The following CNIH3 variants were observed in gnomAD, a reference collection of about 807,000 sequenced individuals.
CNIH3 encodes the protein protein cornichon homolog 3.
A neutral mutation model predicts 24.1 loss-of-function variants in CNIH3; 14 were observed. That is an observed-to-expected ratio of 0.58 (90% CI 0.38 to 0.91). The LOEUF (loss-of-function observed/expected upper bound fraction) is 0.91. CNIH3 is among the 40% of genes least tolerant of loss of function. The pLI is 0.00. For synonymous variants in CNIH3, 68 were observed against 73.8 expected (o/e 0.92, Z 0.40); for missense variants, 178 against 196.8 (o/e 0.90, Z 0.57).
In CNIH3 at chr1:224,739,561, A is replaced by G. The variant is rs1218510123; in HGVS notation, c.*205A>G. The G allele has an allele frequency of 1.1e-5, 10 of 931,142 alleles. No homozygotes were observed. In the East Asian group the frequency reaches 2.4e-4, roughly 22 times the overall value. 57.7% of individuals were successfully genotyped at this position (931,142 alleles called of 1,614,324 possible). ...CGTGTCTGTGTCACCCTGTTTGTCA[A>G]TCTTTGGCATTCGAATTCCACACAC... is the stretch of plus-strand genomic sequence containing the variant. On this transcript the variant is annotated 3_prime_UTR_variant, in exon 6 of 6. Coordinates refer to ENST00000272133, the MANE Select transcript of CNIH3 (RefSeq NM_152495.2).
At chr1:224,674,756 C>T (rs1253495031) in intron 1 of CNIH3, among the ~76,000 whole-genome samples, 1 of 151,860 alleles carries the variant, frequency 6.6e-6, no homozygotes, top group African/African-American at 2.4e-5. Flanking sequence ...TTGTAGCTGC[C>T]CTCCTTTCTG....
intron 1 of CNIH3, among the ~76,000 whole-genome samples, chr1:224,457,263 TC>T (rs1675703532): frequency 4.6e-5 from 1 of 21,544 alleles, no homozygotes; most frequent in African/African-American, 1.8e-4. Context: ...AGCTGAGCCC[TC>T]CTCTCTCTCT....
intron 1 of CNIH3, among the ~76,000 whole-genome samples, chr1:224,435,465 C>T (rs114398077): frequency 1.3e-5 from 2 of 152,142 alleles, no homozygotes; most frequent in Admixed American, 6.5e-5. Context: ...CAAGAAGTCA[C>T]AAAAAGGCTG....
At chr1:224,574,467 A>C in intron 4 of CNIH3, 1 of 643,694 alleles carries the variant, frequency 1.6e-6, no homozygotes, top group South Asian at 1.8e-5. Flanking sequence ...CAATGGCACC[A>C]AGATGCCCAT....
chr1:224,530,856 C>G (rs967988844), intron 2 of CNIH3, among the ~76,000 whole-genome samples: 2 of 152,202 alleles, frequency 1.3e-5, no homozygotes, highest in Middle Eastern at 3.2e-3. Context: ...CCTCGGCCTC[C>G]CAAAGTGCTA....
At chr1:224,470,585 G>A (rs2102996250) in intron 1 of CNIH3, among the ~76,000 whole-genome samples, 1 of 152,258 alleles carries the variant, frequency 6.6e-6, no homozygotes, top group South Asian at 2.1e-4. Context: ...CTTTCAAAGT[G>A]TTGGGATTAC....
At chr1:224,648,128 A>C (rs548887266) in intron 1 of CNIH3, among the ~76,000 whole-genome samples, 16 of 152,172 alleles carry the variant, frequency 1.1e-4, no homozygotes, top group Non-Finnish European at 1.9e-4. Flanking sequence ...GGCTGGGCGC[A>C]GTGGCTCACG....
At chr1:224,592,158 GTGTA>G (rs1276415589), downstream of CNIH3, among the ~76,000 whole-genome samples, 1 of 151,904 alleles carries the variant, frequency 6.6e-6, no homozygotes, top group Non-Finnish European at 1.5e-5. Context: ...CGGTATGTGT[GTGTA>G]TGTGTGTGTG....
chr1:224,442,255 C>T (rs778014199), intron 1 of CNIH3, among the ~76,000 whole-genome samples: 9 of 152,122 alleles, frequency 5.9e-5, no homozygotes, highest in Admixed American at 1.3e-4. Flanking sequence ...AAATAATTCT[C>T]CCGCCTCAGC....
At chr1:224,717,930 A>G (rs182492040) in intron 3 of CNIH3, 1 of 152,350 alleles carries the variant, frequency 6.6e-6, no homozygotes, top group Non-Finnish European at 1.5e-5. Context: ...GGTTTTTCAT[A>G]TTCAGAAATC....
chr1:224,472,439 T>C (rs577430725), intron 1 of CNIH3, among the ~76,000 whole-genome samples: 1 of 152,188 alleles, frequency 6.6e-6, no homozygotes, highest in Non-Finnish European at 1.5e-5. Flanking sequence ...GTATACATCA[T>C]GGAATACTAC....
intron 1 of CNIH3, among the ~76,000 whole-genome samples, chr1:224,507,093 G>T (rs1398639379): frequency 6.6e-6 from 1 of 152,136 alleles, no homozygotes; most frequent in Non-Finnish European, 1.5e-5. Context: ...TCAAATTCCT[G>T]GGCTTGAGTG....
In CNIH3 at chr1:224,626,152, T is replaced by C. The variant is rs141096003; in HGVS notation, c.81+8897T>C. On this transcript the variant is annotated intron_variant, in intron 1 of 5. Coordinates refer to ENST00000272133, the MANE Select transcript of CNIH3 (RefSeq NM_152495.2). ...ACTGTTTTAATCTAGAGAAGAAGCATTAAGTGAGCTCTGCTACAAATAGTG... is the reference window on the plus strand; with the variant it reads ...ACTGTTTTAATCTAGAGAAGAAGCACTAAGTGAGCTCTGCTACAAATAGTG... 3.0e-4 allele frequency among the ~76,000 whole-genome samples: 46 copies of C among 152,292 alleles called. 1 individual carries two copies. The East Asian group carries it at 8.7e-3, about 29-fold the overall frequency.
At chr1:224,713,884 C>A (rs1043423606) in intron 3 of CNIH3, among the ~76,000 whole-genome samples, 19 of 152,168 alleles carry the variant, frequency 1.2e-4, no homozygotes, top group African/African-American at 4.3e-4. Flanking sequence ...GGCATAATCA[C>A]AGCTCACTGC....
chr1:224,686,356 A>G (rs956179135), intron 3 of CNIH3, among the ~76,000 whole-genome samples: 2 of 152,102 alleles, frequency 1.3e-5, no homozygotes, highest in Non-Finnish European at 2.9e-5. Flanking sequence ...TTATGGCTGC[A>G]TAGTATTCCA....
rs540263208 is a variant in CNIH3 at position 224,519,232 on chromosome 1, G to C, written n.16-1768G>C. ...CTCACAGCACCGCATGGCAGGGGAG[G>C]CCTCACAGTCATGGCAGAAGGGCCT... On this transcript the variant is annotated intron_variant and non_coding_transcript_variant, in intron 1 of 2. Coordinates refer to the CNIH3 transcript ENST00000470602. 3.2e-4 allele frequency among the ~76,000 whole-genome samples: 48 copies of C among 152,302 alleles called. 1 individual carries two copies. The highest frequency in any genetic ancestry group is 1.1e-3 in the African/African-American group (45 of 41,574).
At chr1:224,577,693 T>C (rs1003609279) in intron 4 of CNIH3, among the ~76,000 whole-genome samples, 4 of 152,190 alleles carry the variant, frequency 2.6e-5, no homozygotes, top group Non-Finnish European at 5.9e-5. Context: ...AACTATTGTT[T>C]GATCCAGCAA....
intron 1 of CNIH3, among the ~76,000 whole-genome samples, chr1:224,503,644 A>G (rs1305322544): frequency 6.6e-6 from 1 of 152,212 alleles, no homozygotes; most frequent in African/African-American, 2.4e-5. Context: ...AACCCTGGCA[A>G]CCGCACAGGG....
At chr1:224,737,638 T>G (rs1689661090) in intron 5 of CNIH3, among the ~76,000 whole-genome samples, 1 of 152,102 alleles carries the variant, frequency 6.6e-6, no homozygotes, top group African/African-American at 2.4e-5. Context: ...TGAACTGAGC[T>G]CAGGGCTAGA....
Sources: allele counts gnomAD v4.1 joint callset (sites outside exome capture counted in the v4.1 genomes callset), GRCh38; gene constraint gnomAD v4.1.1; transcripts MANE v1.5; gene names NCBI Gene and HGNC (gene_info 2026-07-23, HGNC 2026-07-21).